PLXNA4: variants seen among roughly 807,000 people sequenced by gnomAD.
PLXNA4 encodes plexin A4.
A neutral mutation model predicts 191.8 loss-of-function variants in PLXNA4; 44 were observed. The ratio of observed to expected loss-of-function variants is 0.23; its 90% CI spans 0.18 to 0.29. PLXNA4 has a LOEUF of 0.29. Ranked by LOEUF, PLXNA4 falls within the 10% of genes least tolerant of loss-of-function variation. The pLI is 1.00. For missense variants in PLXNA4, 1,800 were observed against 2,488.8 expected (o/e 0.72, Z 5.89); for synonymous variants, 1,082 against 1,009.5 (o/e 1.07, Z -1.36).
chr7:132,364,141 C>A (rs1234708973), intron 3 of PLXNA4, among the ~76,000 whole-genome samples: 1 of 152,164 alleles, frequency 6.6e-6, no homozygotes, highest in Non-Finnish European at 1.5e-5. Flanking sequence ...AGAATGCAGA[C>A]CCCTTCGTGG....
At position 132,604,136 on chromosome 7, in the gene PLXNA4, TC is replaced by T. The variant is rs1802877575; in HGVS notation, c.-87+41791del. ...CTAAGGTACCTGACTCCACTACCCC[TC>T]TGTGTTCTGGCGGGGGGCACCTAAC... On this transcript the variant is annotated intron_variant, in intron 2 of 4. Coordinates refer to the PLXNA4 transcript ENST00000378539. 4.9e-4 allele frequency among the ~76,000 whole-genome samples: 5 copies of T among 10,276 alleles called. No homozygotes were observed. In the Non-Finnish European group the frequency reaches 0.033, roughly 67 times the overall value. The allele number at this position is 10,276 out of a possible 152,430, so 6.7% of individuals were successfully genotyped here.
intron 3 of PLXNA4, among the ~76,000 whole-genome samples, chr7:132,467,380 G>A (rs1285223726): frequency 6.6e-6 from 1 of 152,198 alleles, no homozygotes; most frequent in Non-Finnish European, 1.5e-5. Flanking sequence ...TGGGCCAGAG[G>A]TATTTGCTGT....
At chr7:132,243,085 T>C (rs915746886) in intron 4 of PLXNA4, among the ~76,000 whole-genome samples, 6 of 152,240 alleles carry the variant, frequency 3.9e-5, no homozygotes, top group African/African-American at 1.4e-4. Flanking sequence ...TTTTTATTCA[T>C]ACTCAGTGAT....
intron 5 of PLXNA4, among the ~76,000 whole-genome samples, chr7:132,234,593 G>GC (rs1798633054): frequency 1.1e-5 from 1 of 94,266 alleles, no homozygotes; most frequent in East Asian, 4.5e-4. Flanking sequence ...TGAAGCATGT[G>GC]TTTTGTGTGT....
intron 2 of PLXNA4, among the ~76,000 whole-genome samples, chr7:132,623,754 T>C (rs1401175265): frequency 1.3e-5 from 2 of 152,160 alleles, no homozygotes; most frequent in Non-Finnish European, 2.9e-5. Flanking sequence ...CCTTTACAGG[T>C]GACCCATCCA....
intron 3 of PLXNA4, among the ~76,000 whole-genome samples, chr7:132,381,508 C>A (rs974696729): frequency 3.9e-5 from 6 of 152,150 alleles, no homozygotes; most frequent in African/African-American, 1.4e-4. Flanking sequence ...TAAGAGGAGG[C>A]TATGTAGTAT....
intron 2 of PLXNA4, among the ~76,000 whole-genome samples, chr7:132,611,452 A>C (rs1803044992): frequency 6.6e-6 from 1 of 152,230 alleles, no homozygotes; most frequent in Admixed American, 6.5e-5. Context: ...AAGTGACAGC[A>C]GTGGGGCCAA....
Position 132,544,677 on chromosome 7 carries a change from C to T in PLXNA4, c.-87+31745G>A, listed in dbSNP as rs546985778. Among the ~76,000 whole-genome samples the T allele has an allele frequency of 1.2e-4, 18 of 152,136 alleles. No homozygotes were observed. In the South Asian group the frequency reaches 2.7e-3, roughly 23 times the overall value. On this transcript the variant is annotated intron_variant, in intron 1 of 31. Transcript: ENST00000321063. ...ACTTCCCAGGTTTTTAGGTAGGGTC[C>T]GAATGGAGTGGAAATGTAAACCTTT...
chr7:132,241,033 G>A (rs1165820557), intron 5 of PLXNA4, 33 bp downstream of exon 5: 2 of 1,514,416 alleles, frequency 1.3e-6, no homozygotes, highest in South Asian at 1.2e-5. Context: ...GGAGGAAGTG[G>A]GAGGCACGAG....
chr7:132,151,322 GGAGGAAGAA>G (rs1795603595), intron 25 of PLXNA4, among the ~76,000 whole-genome samples: 1 of 84,102 alleles, frequency 1.2e-5, no homozygotes, highest in Admixed American at 1.1e-4. Flanking sequence ...AGGAGGAGGA[GGAGGAAGAA>G]GAAGGAGGAG....
At chr7:132,201,736 C>A (rs1431858992) in intron 12 of PLXNA4, among the ~76,000 whole-genome samples, 1 of 152,132 alleles carries the variant, frequency 6.6e-6, no homozygotes, top group East Asian at 1.9e-4. Context: ...TAAGAGGGAG[C>A]AAGGGACTCC....
chr7:132,555,562 C>T (rs1416763972), intron 1 of PLXNA4, among the ~76,000 whole-genome samples: 1 of 152,172 alleles, frequency 6.6e-6, no homozygotes, highest in Non-Finnish European at 1.5e-5. Flanking sequence ...AAGCAGTGTG[C>T]AAGCTATTTC....
At chr7:132,581,694 T>C (rs115393363), upstream of PLXNA4, among the ~76,000 whole-genome samples, 1 of 151,532 alleles carries the variant, frequency 6.6e-6, no homozygotes, top group Admixed American at 6.6e-5. Context: ...CACCGGGGGG[T>C]TGGTGTTTAG....
At chr7:132,227,860 T>C (rs1798382421) in intron 6 of PLXNA4, among the ~76,000 whole-genome samples, 1 of 152,138 alleles carries the variant, frequency 6.6e-6, no homozygotes, top group Admixed American at 6.5e-5. Flanking sequence ...ACAAGAATGC[T>C]TAAGGGATTT....
At chr7:132,332,404 T>C (rs1802623604) in intron 3 of PLXNA4, among the ~76,000 whole-genome samples, 1 of 152,068 alleles carries the variant, frequency 6.6e-6, no homozygotes, top group Admixed American at 6.5e-5. Context: ...CTCTATCAGG[T>C]CTTGTTTAAC....
intron 1 of PLXNA4, among the ~76,000 whole-genome samples, chr7:132,575,101 A>G (rs1802165027): frequency 6.6e-6 from 1 of 152,144 alleles, no homozygotes; most frequent in Admixed American, 6.5e-5. Context: ...ATATATATTC[A>G]ATTCCGAATT....
intron 1 of PLXNA4, among the ~76,000 whole-genome samples, chr7:132,542,313 G>A (rs938858001): frequency 2.0e-5 from 3 of 152,192 alleles, no homozygotes; most frequent in African/African-American, 7.2e-5. Context: ...AGGATTATCA[G>A]ATAAAGCTTG....
rs940386412 is a variant in PLXNA4 at position 132,317,331 on chromosome 7, G to T, written c.1372-19109C>A. The stretch of plus-strand genomic sequence containing the variant: ...TGCTGAATTGGATTGAGTTGGGTTG[G>T]GTTGGGTTGGACTGGATTGGGTTGG... On this transcript the variant is annotated intron_variant, in intron 3 of 31. Coordinates refer to ENST00000321063, the MANE Select transcript of PLXNA4 (RefSeq NM_020911.2). Among the ~76,000 whole-genome samples the T allele has an allele frequency of 3.4e-4, 51 of 151,772 alleles. 1 individual carries two copies. Among genetic ancestry groups the T allele is most frequent in the Non-Finnish European group, 6.2e-4 (42 of 67,912 alleles).
rs531397517 is a variant in PLXNA4 at position 132,528,250 on chromosome 7, G to A, written c.-86-19471C>T. The stretch of plus-strand genomic sequence containing the variant: ...CCAGGAAGGTGAACTCCCAGGAGGC[G>A]CAGCAGTTGGACACGAGGCTTCTCC... On this transcript the variant is annotated intron_variant, in intron 1 of 31. Coordinates refer to ENST00000321063, the MANE Select transcript of PLXNA4 (RefSeq NM_020911.2). 5.3e-5 allele frequency among the ~76,000 whole-genome samples: 8 copies of A among 152,254 alleles called. No homozygotes were observed. The East Asian group carries it at 7.7e-4, about 15-fold the overall frequency.
Sources: gnomAD v4.1 joint callset for allele counts (sites outside exome capture counted in the v4.1 genomes callset) on GRCh38, gnomAD v4.1.1 for gene constraint, MANE v1.5 for transcripts, NCBI Gene and HGNC (gene_info 2026-07-23, HGNC 2026-07-21) for gene names.